ADAMTSL2: variants seen among roughly 807,000 people sequenced by gnomAD.
The protein encoded by ADAMTSL2 is ADAMTS-like protein 2.
Under a neutral mutation model 117.0 loss-of-function variants are expected in ADAMTSL2, and 55 were observed. That is an observed-to-expected ratio of 0.47 (90% CI 0.38 to 0.59). The LOEUF is 0.59. ADAMTSL2 is among the 20% of genes least tolerant of loss of function. ADAMTSL2 has a pLI of 0.00. For synonymous variants in ADAMTSL2, 572 were observed against 566.4 expected, an observed-to-expected ratio of 1.01 and a Z score of -0.14; for missense variants, 1,182 against 1,354.5, an observed-to-expected ratio of 0.87 and a Z score of 2.00.
chr9:133,558,103 C>G lies in ADAMTSL2; in HGVS notation c.1649+2173C>G, dbSNP rs1588296332. On this transcript the variant is annotated intron_variant, in intron 11 of 18. Coordinates refer to ENST00000651351, the MANE Select transcript of ADAMTSL2 (RefSeq NM_014694.4). The surrounding 1 kb of genome is among the most constrained non-coding windows in gnomAD (Gnocchi z 4.3). ...CATCTTGGTTGACTCTTACCCTCCCCTCTTAGCCCCCCGCCCCAGGATATA... is the reference window on the plus strand; with the variant it reads ...CATCTTGGTTGACTCTTACCCTCCCGTCTTAGCCCCCCGCCCCAGGATATA... 6.6e-6 allele frequency among the ~76,000 whole-genome samples: 1 copy of G among 152,234 alleles called. No homozygotes were observed. The highest frequency in any genetic ancestry group is 6.5e-5 in the Admixed American group (1 of 15,290).
At chr9:133,552,752 G>T (rs1352096179) in intron 9 of ADAMTSL2, among the ~76,000 whole-genome samples, 1 of 152,152 alleles carries the variant, frequency 6.6e-6, no homozygotes, top group Non-Finnish European at 1.5e-5. Flanking sequence ...GATCCCTGGG[G>T]TCTGTCTTGT....
Position 133,572,461 on chromosome 9 carries a change from G to A in ADAMTSL2, c.2593-1382G>A, listed in dbSNP as rs1831130313. On this transcript the variant is annotated intron_variant, in intron 17 of 18. Coordinates refer to ENST00000651351, the MANE Select transcript of ADAMTSL2 (RefSeq NM_014694.4). ...GCTAAGCCCGGTGGGAGGGAGAGTG[G>A]GAAGGGGCAGGGAGGCTGACTGGGG... 2.0e-5 allele frequency among the ~76,000 whole-genome samples: 3 copies of A among 152,262 alleles called. No individual in the cohort carries two copies. The South Asian group carries it at 6.2e-4, about 32-fold the overall frequency.
At chr9:133,535,590 T>C (rs1017906925) in intron 1 of ADAMTSL2, among the ~76,000 whole-genome samples, 1 of 151,780 alleles carries the variant, frequency 6.6e-6, no homozygotes, top group Admixed American at 6.6e-5. Context: ...GGGTGAGGGG[T>C]GACCTCCATG....
At chr9:133,543,056 C>T (rs1395886547) in intron 7 of ADAMTSL2, among the ~76,000 whole-genome samples, 1 of 151,910 alleles carries the variant, frequency 6.6e-6, no homozygotes, top group Non-Finnish European at 1.5e-5. Context: ...TCCAGCGATT[C>T]TCCTGCCTCA....
At chr9:133,545,490 C>T (rs1830326070) in intron 8 of ADAMTSL2, among the ~76,000 whole-genome samples, 1 of 152,222 alleles carries the variant, frequency 6.6e-6, no homozygotes, top group African/African-American at 2.4e-5. Context: ...GCCTAAGGGC[C>T]AGCCCTCCGT....
chr9:133,542,734 T>C (rs1165554720), intron 7 of ADAMTSL2, among the ~76,000 whole-genome samples: 1 of 152,198 alleles, frequency 6.6e-6, no homozygotes, highest in African/African-American at 2.4e-5. Flanking sequence ...CCAGGCAGCC[T>C]ACTCTTGGCC....
Position 133,575,268 on chromosome 9 carries a change from A to G in ADAMTSL2, c.*404A>G. 4.1e-6 allele frequency: 1 copy of G among 246,782 alleles called. No homozygotes were observed. Among genetic ancestry groups the G allele is most frequent in the Non-Finnish European group, 8.0e-6 (1 of 124,416 alleles). 15.3% of individuals were successfully genotyped at this position (246,782 alleles called of 1,614,324 possible). ...GCAGGGCCTTCTGAAGGAAACTTGC[A>G]GGCGAGCCCAACGTGGTGGGGGGCC... On this transcript the variant is annotated 3_prime_UTR_variant, in exon 19 of 19. Coordinates refer to ENST00000651351, the MANE Select transcript of ADAMTSL2 (RefSeq NM_014694.4).
At chr9:133,552,406 A>G (rs1023534627) in intron 9 of ADAMTSL2, among the ~76,000 whole-genome samples, 1 of 152,118 alleles carries the variant, frequency 6.6e-6, no homozygotes, top group African/African-American at 2.4e-5. Context: ...CTCTGATCTG[A>G]TAAGTGTGGC....
chr9:133,534,826 C>T lies in ADAMTSL2; in HGVS notation c.-242C>T. 3 of 1,495,082 alleles carry T rather than the reference C, an allele frequency of 2.0e-6. No individual in the cohort carries two copies. Among genetic ancestry groups the T allele is most frequent in the African/African-American group, 2.9e-5 (2 of 69,556 alleles). The allele number at this position is 1,495,082 out of a possible 1,614,324, so 92.6% of individuals were successfully genotyped here. On this transcript the variant is annotated 5_prime_UTR_variant, in exon 1 of 19. Transcript: ENST00000651351. ...CCGGGCCGCAGCCTCTGCACTCACGCCGCCCCCGCACGCACAGCGCACCTG... is the reference window on the plus strand; with the variant it reads ...CCGGGCCGCAGCCTCTGCACTCACGTCGCCCCCGCACGCACAGCGCACCTG...
At chr9:133,536,378 G>A (rs1186035585) in intron 1 of ADAMTSL2, among the ~76,000 whole-genome samples, 185 bp from the exon 2 acceptor site, 3 of 152,234 alleles carry the variant, frequency 2.0e-5, no homozygotes, top group Admixed American at 6.5e-5. Flanking sequence ...CCCTTCTCTA[G>A]GGGGCTTGAG....
At position 133,568,406 on chromosome 9, in the gene ADAMTSL2, G is replaced by A. The variant is rs1319203455; in HGVS notation, c.2008G>A (p.Glu670Lys). Residue 670 changes from glutamate (E) to lysine (K), a missense_variant, in exon 14 of 19, where the codon GAG (glutamate) becomes AAG (lysine). Coordinates refer to ENST00000651351, the MANE Select transcript of ADAMTSL2 (RefSeq NM_014694.4). Reference sequence around the variant, plus strand: ...GTACAGCGACCTGTGCGAGGCAGCCGAGGCCGTGCGGCCCGAGGAACGCAA... The same window carrying A: ...GTACAGCGACCTGTGCGAGGCAGCCAAGGCCGTGCGGCCCGAGGAACGCAA... The part of the protein sequence containing the change: ...SVYSDLCEAA[E>K]AVRPEERKTC... 46 of 1,608,144 alleles carry A rather than the reference G, an allele frequency of 2.9e-5. No individual in the cohort carries two copies. The highest frequency in any genetic ancestry group is 3.4e-5 in the Non-Finnish European group (40 of 1,178,184).
Position 133,562,974 on chromosome 9 carries a change from CT to C in ADAMTSL2, c.1747+1680del, listed in dbSNP as rs36102139. Among the ~76,000 whole-genome samples the C allele has an allele frequency of 1.1e-3, 148 of 139,348 alleles. 1 individual carries two copies. Among genetic ancestry groups the C allele is most frequent in the African/African-American group, 3.9e-3 (133 of 34,066 alleles). 91.4% of individuals were successfully genotyped at this position (139,348 alleles called of 152,430 possible). On this transcript the variant is annotated intron_variant, in intron 12 of 18. Coordinates refer to ENST00000651351, the MANE Select transcript of ADAMTSL2 (RefSeq NM_014694.4). ...CCGCTGTGGGCGGCGTGGTGGGCAC[CT>C]GGCTTGGCCAGGCTCGCACCGCTGT...
chr9:133,567,634 C>T (rs1200603331), intron 13 of ADAMTSL2, among the ~76,000 whole-genome samples: 1 of 152,246 alleles, frequency 6.6e-6, no homozygotes, highest in African/African-American at 2.4e-5. Context: ...CACGGCCACA[C>T]TGCCTCTTCT....
At chr9:133,561,656 C>T (rs1002781562) in intron 12 of ADAMTSL2, among the ~76,000 whole-genome samples, 5 of 152,182 alleles carry the variant, frequency 3.3e-5, no homozygotes, top group Admixed American at 6.5e-5. Flanking sequence ...CTTTTGCTTC[C>T]AGCAAACATA....
At chr9:133,545,262 T>C (rs9696961) in intron 8 of ADAMTSL2, among the ~76,000 whole-genome samples, 128,334 of 152,026 alleles carry the variant, frequency 0.84, 54,958 homozygotes, top group Non-Finnish European at 0.92. Context: ...CCCTTCCCTT[T>C]ATGGGGCGGG....
chr9:133,558,821 TCCAAGAACGGAACCTG>T lies in ADAMTSL2; in HGVS notation c.1650-2375_1650-2360del, dbSNP rs1830664418. 6.6e-6 allele frequency among the ~76,000 whole-genome samples: 1 copy of T among 152,208 alleles called. No homozygotes were observed. Among genetic ancestry groups the T allele is most frequent in the African/African-American group, 2.4e-5 (1 of 41,442 alleles). ...TGGTGTTCCGCTTCCCTGTGCTACT[TCCAAGAACGGAACCTG>T]CTAGGCGTTGCATTGTTGTGCAAAT... is the stretch of plus-strand genomic sequence containing the variant. On this transcript the variant is annotated intron_variant, in intron 11 of 18. Coordinates refer to ENST00000651351, the MANE Select transcript of ADAMTSL2 (RefSeq NM_014694.4). This position sits in a 1 kb window ranked among gnomAD's most constrained non-coding sequence, Gnocchi z 4.3.
rs1588277992 is a variant in ADAMTSL2, at chr9:133,539,682, G to A, written c.310-89G>A. 15 of 1,348,974 alleles carry A rather than the reference G, an allele frequency of 1.1e-5. No individual in the cohort carries two copies. In the Admixed American group the frequency reaches 2.0e-4, roughly 18 times the overall value. The allele number at this position is 1,348,974 out of a possible 1,614,324, so 83.6% of individuals were successfully genotyped here. A position where few individuals can be genotyped will look rare whatever the true frequency, so the allele number is the denominator to read the frequency against. On this transcript the variant is annotated intron_variant, in intron 4 of 18. Coordinates refer to ENST00000651351, the MANE Select transcript of ADAMTSL2 (RefSeq NM_014694.4). ...CTGTCCCGGCTGTCCCGGCTGTCCC[G>A]GCTGCAGCCACTTCCTGCTTAGCCT...
intron 13 of ADAMTSL2, among the ~76,000 whole-genome samples, chr9:133,567,575 C>T (rs1831004559): frequency 6.6e-6 from 1 of 152,210 alleles, no homozygotes; most frequent in Admixed American, 6.5e-5. Context: ...CGGCCTCCCC[C>T]GACAAGGATC....
At chr9:133,541,352 G>C (rs1465924368) in intron 7 of ADAMTSL2, among the ~76,000 whole-genome samples, 1 of 150,400 alleles carries the variant, frequency 6.6e-6, no homozygotes, top group Admixed American at 6.6e-5. Flanking sequence ...GCAGTGGCTT[G>C]ATCTGGGCTC....
Sources: gnomAD v4.1 joint callset for allele counts (sites outside exome capture counted in the v4.1 genomes callset) on GRCh38, gnomAD v4.1.1 for gene constraint, Gnocchi (gnomAD v3.1) non-coding constraint, MANE v1.5 for transcripts, NCBI Gene and HGNC (gene_info 2026-07-23, HGNC 2026-07-21) for gene names.